Variants in PCCA observed in about 807,000 individuals in gnomAD.
The protein encoded by PCCA is propionyl-CoA carboxylase alpha chain, mitochondrial.
Under a neutral mutation model 101.3 loss-of-function variants are expected in PCCA, and 74 were observed. That is an observed-to-expected ratio of 0.73 (90% confidence interval 0.61 to 0.89). The LOEUF (loss-of-function observed/expected upper bound fraction) is 0.89. Ranked by LOEUF, PCCA falls within the 40% of genes least tolerant of loss-of-function variation. The pLI, the probability that PCCA is intolerant of heterozygous loss-of-function variation, is 0.00. For synonymous variants in PCCA, 294 were observed against 313.6 expected (o/e 0.94, Z 0.66); for missense variants, 891 against 907.0 (o/e 0.98, Z 0.23).
intron 7 of PCCA, among the ~76,000 whole-genome samples, chr13:100,212,257 A>G (rs2152483810): frequency 6.6e-6 from 1 of 152,352 alleles, no homozygotes; most frequent in Non-Finnish European, 1.5e-5. Context: ...TTGGAGGGCA[A>G]CCATGTTCAT....
chr13:100,440,533 T>A (rs1430348328), intron 20 of PCCA, among the ~76,000 whole-genome samples: 2 of 151,954 alleles, frequency 1.3e-5, no homozygotes, highest in Non-Finnish European at 2.9e-5. Flanking sequence ...TAACTGTTTA[T>A]AGATAGTAAA....
chr13:100,155,080 C>T lies in PCCA; in HGVS notation c.402C>T (p.Thr134=). The change falls in exon 5 of 24, where the codon ACC becomes ACT. Residue 134 remains threonine (T), a synonymous_variant. Transcript: ENST00000376285. Reference sequence around the variant, plus strand: ...CCATCATGGAAGCCATTAAGAAAACCAGGGCCCAAGCTGTGAGTCTGAATG... The same window carrying T: ...CCATCATGGAAGCCATTAAGAAAACTAGGGCCCAAGCTGTGAGTCTGAATG... ...MDAIMEAIKK[T]RAQAVHPGYG... is the part of the protein sequence containing the mutation. The T allele has an allele frequency of 6.2e-7, 1 of 1,610,614 alleles. No individual in the cohort carries two copies. Among genetic ancestry groups the T allele is most frequent in the Non-Finnish European group, 8.5e-7 (1 of 1,176,934 alleles).
At chr13:100,328,048 C>T (rs760115217) in intron 16 of PCCA, among the ~76,000 whole-genome samples, 1 of 151,996 alleles carries the variant, frequency 6.6e-6, no homozygotes, top group African/African-American at 2.4e-5. Flanking sequence ...ACAGCAAAAA[C>T]GTGTCTCTAC....
chr13:100,291,224 A>C (rs1177474719), intron 12 of PCCA, among the ~76,000 whole-genome samples: 2 of 152,132 alleles, frequency 1.3e-5, no homozygotes, highest in African/African-American at 4.8e-5. Flanking sequence ...GCTGTGATGA[A>C]CCATGATCAT....
At chr13:100,093,248 G>A (rs1364769133) in intron 1 of PCCA, among the ~76,000 whole-genome samples, 1 of 152,282 alleles carries the variant, frequency 6.6e-6, no homozygotes, top group Non-Finnish European at 1.5e-5. Context: ...TTTGGGCCAG[G>A]GATACGAGGC....
At chr13:100,234,140 C>T (rs930840188) in intron 7 of PCCA, among the ~76,000 whole-genome samples, 4 of 152,102 alleles carry the variant, frequency 2.6e-5, no homozygotes, top group African/African-American at 9.7e-5. Context: ...GTATTTTGTT[C>T]AAGAGGCACT....
chr13:100,348,592 A>G (rs914835868), intron 18 of PCCA, among the ~76,000 whole-genome samples: 1 of 152,196 alleles, frequency 6.6e-6, no homozygotes, highest in Admixed American at 6.5e-5. Context: ...CTAACTGGTA[A>G]TGATTGGAAG....
chr13:100,463,245 GT>G (rs2082286502), intron 21 of PCCA, among the ~76,000 whole-genome samples: 1 of 152,066 alleles, frequency 6.6e-6, no homozygotes, highest in African/African-American at 2.4e-5. Flanking sequence ...TTCCAAGGAG[GT>G]TGGGTGGCAT....
chr13:100,112,147 C>T, intron 4 of PCCA, 86 bp downstream of exon 4: 2 of 912,704 alleles, frequency 2.2e-6, no homozygotes, highest in Non-Finnish European at 1.8e-6. Flanking sequence ...TTTTCTTGGC[C>T]TGCACAAGAT....
At chr13:100,171,274 T>C (rs1267749344) in intron 6 of PCCA, among the ~76,000 whole-genome samples, 1 of 152,228 alleles carries the variant, frequency 6.6e-6, no homozygotes, top group East Asian at 1.9e-4. Context: ...ATGGTAAATA[T>C]TGATATATAC....
intron 19 of PCCA, among the ~76,000 whole-genome samples, chr13:100,417,872 C>T (rs1000100138): frequency 6.6e-6 from 1 of 152,090 alleles, no homozygotes; most frequent in Non-Finnish European, 1.5e-5. Flanking sequence ...GGATTACTTT[C>T]CTCCTTGTGT....
At chr13:100,173,241 T>G (rs957076340) in intron 6 of PCCA, among the ~76,000 whole-genome samples, 5 of 152,212 alleles carry the variant, frequency 3.3e-5, no homozygotes, top group African/African-American at 1.2e-4. Flanking sequence ...TAGTGGTGTC[T>G]ACAGTGTGCT....
intron 21 of PCCA, among the ~76,000 whole-genome samples, chr13:100,449,889 G>A (rs542002270): frequency 5.7e-4 from 87 of 152,228 alleles, no homozygotes; most frequent in Non-Finnish European, 8.2e-4. Context: ...TATTATACAT[G>A]TTGCCCATTA....
At chr13:100,323,792 A>G (rs1250012045) in intron 16 of PCCA, among the ~76,000 whole-genome samples, 1 of 152,178 alleles carries the variant, frequency 6.6e-6, no homozygotes, top group Admixed American at 6.5e-5. Context: ...GCATTGCATT[A>G]AGCATTATAT....
intron 16 of PCCA, 46 bp downstream of exon 16, chr13:100,309,954 A>G: frequency 7.5e-7 from 1 of 1,340,782 alleles, no homozygotes; most frequent in Non-Finnish European, 1.1e-6. Context: ...TATGGTGTCC[A>G]GTTCCAGAGA....
chr13:100,244,178 T>A (rs369108588), intron 8 of PCCA, among the ~76,000 whole-genome samples: 39 of 152,362 alleles, frequency 2.6e-4, no homozygotes, highest in Admixed American at 8.5e-4. Context: ...GGAAAAGTTA[T>A]GTTAAAGAAA....
intron 18 of PCCA, among the ~76,000 whole-genome samples, chr13:100,352,119 A>C (rs1306463908): frequency 1.3e-5 from 2 of 152,210 alleles, no homozygotes; most frequent in South Asian, 2.1e-4. Flanking sequence ...AAAAGATATG[A>C]CATATAGAAA....
intron 8 of PCCA, among the ~76,000 whole-genome samples, chr13:100,254,300 A>T (rs1160567360): frequency 6.6e-6 from 1 of 152,178 alleles, no homozygotes; most frequent in African/African-American, 2.4e-5. Flanking sequence ...GGGGACACAG[A>T]GCCAACGCTT....
intron 19 of PCCA, among the ~76,000 whole-genome samples, chr13:100,393,105 G>C (rs2254579): frequency 0.49 from 74,328 of 151,962 alleles, 18,613 homozygotes; most frequent in South Asian, 0.62. Context: ...ATGTTGAAAA[G>C]AAAATGTTGA....
Sources: gnomAD v4.1 joint callset for allele counts (sites outside exome capture counted in the v4.1 genomes callset) on GRCh38, gnomAD v4.1.1 for gene constraint, MANE v1.5 for transcripts, NCBI Gene and HGNC (gene_info 2026-07-23, HGNC 2026-07-21) for gene names.